The following ABCC4 variants were observed in gnomAD, a reference collection of about 807,000 sequenced individuals.
ABCC4 encodes the protein ATP-binding cassette sub-family C member 4.
A neutral mutation model predicts 168.5 loss-of-function variants in ABCC4; 102 were observed. That is an observed-to-expected ratio of 0.61 (90% CI 0.52 to 0.71). The LOEUF is 0.71. Ranked by LOEUF, ABCC4 falls within the 30% of genes least tolerant of loss-of-function variation. The probability of loss-of-function intolerance (pLI) is 0.00; values close to 1 mark genes in which losing one functional copy is unlikely to be tolerated. For synonymous variants in ABCC4, 617 were observed against 590.7 expected (o/e 1.04, Z -0.65); for missense variants, 1,402 against 1,605.8 (o/e 0.87, Z 2.17).
In ABCC4 at chr13:95,073,275, G is replaced by C; in HGVS notation, c.2947C>G (p.Leu983Val). Residue 983 changes from leucine (L) to valine (V), a missense_variant, in exon 24 of 31, where the codon CTG (leucine) becomes GTG (valine). Coordinates refer to ENST00000645237, the MANE Select transcript of ABCC4 (RefSeq NM_005845.5). ...TLDAGQVGLA[L>V]SYALTLMGMF... ...CCCATGAGCGTGAGGGCATAGGACA[G>C]TGCCAAACCAACCTGCCCGGCATCC... 6.2e-7 allele frequency: 1 copy of C among 1,613,658 alleles called. No homozygotes were observed. The highest frequency in any genetic ancestry group is 1.1e-5 in the South Asian group (1 of 90,966).
At chr13:95,100,405 C>T (rs531079342) in intron 20 of ABCC4, among the ~76,000 whole-genome samples, 1 of 152,296 alleles carries the variant, frequency 6.6e-6, no homozygotes, top group Non-Finnish European at 1.5e-5. Flanking sequence ...TGTCACCACA[C>T]TAATGGTGAC....
chr13:95,047,605 G>A (rs990682513), intron 27 of ABCC4, among the ~76,000 whole-genome samples: 2 of 146,266 alleles, frequency 1.4e-5, no homozygotes, highest in Admixed American at 7.1e-5. Context: ...TCAGCCTCCC[G>A]AGTAGCTGGG....
At chr13:95,274,534 C>A (rs1377686942) in intron 1 of ABCC4, among the ~76,000 whole-genome samples, 2 of 152,178 alleles carry the variant, frequency 1.3e-5, no homozygotes, top group Non-Finnish European at 2.9e-5. Context: ...CTAGCCAATT[C>A]TAAACTGTTC....
Position 95,178,036 on chromosome 13 carries a change from G to C in ABCC4, c.1601C>G (p.Thr534Arg), listed in dbSNP as rs750807873. Reference protein sequence around the residue: ...DLTVIGDRGTTLSGGQKARVN... With the variant: ...DLTVIGDRGTRLSGGQKARVN... Reference sequence around the variant, plus strand: ...CCGTGCTTTCTGCCCTCCACTCAGCGTGGTTCCCCGATCTCCTATCACAGT... The same window carrying C: ...CCGTGCTTTCTGCCCTCCACTCAGCCTGGTTCCCCGATCTCCTATCACAGT... Residue 534 changes from threonine to arginine, a missense_variant, in exon 12 of 31, where the codon ACG becomes AGG. Around this residue, in one of 3 missense-constraint regions of ABCC4, gnomAD observed 1,007 missense variants for 1,127.3 expected, o/e 0.89. Coordinates refer to ENST00000645237, the MANE Select transcript of ABCC4 (RefSeq NM_005845.5). The C allele has an allele frequency of 6.2e-7, 1 of 1,614,162 alleles. No homozygotes were observed. Among genetic ancestry groups the C allele is most frequent in the Non-Finnish European group, 8.5e-7 (1 of 1,180,028 alleles).
chr13:95,050,007 A>G (rs1333728073), intron 27 of ABCC4, among the ~76,000 whole-genome samples: 1 of 152,172 alleles, frequency 6.6e-6, no homozygotes, highest in East Asian at 1.9e-4. Flanking sequence ...CAGGTTTCCT[A>G]CTAAAGAGCA....
At chr13:95,043,845 T>C (rs2032464763) in intron 28 of ABCC4, 58 bp from the exon 29 acceptor site, 1 of 1,217,484 alleles carries the variant, frequency 8.2e-7, no homozygotes, top group African/African-American at 1.5e-5. Context: ...GACTTAAGAC[T>C]TAAAAAGCTC....
chr13:95,110,349 C>T (rs1292288768), intron 20 of ABCC4, among the ~76,000 whole-genome samples: 3 of 148,564 alleles, frequency 2.0e-5, no homozygotes, highest in Non-Finnish European at 3.0e-5. Flanking sequence ...AAAAGAATTA[C>T]AAATTATTTT....
chr13:95,114,465 A>G (rs1352287683), intron 20 of ABCC4, among the ~76,000 whole-genome samples: 2 of 152,188 alleles, frequency 1.3e-5, no homozygotes, highest in African/African-American at 4.8e-5. Context: ...ACGTGTACAG[A>G]CAATAATCTG....
intron 1 of ABCC4, among the ~76,000 whole-genome samples, chr13:95,257,126 T>C (rs984056213): frequency 3.3e-5 from 5 of 152,252 alleles, no homozygotes; most frequent in African/African-American, 1.2e-4. Context: ...GCCTTACCAG[T>C]AACATAAAGT....
chr13:95,194,843 CA>C lies in ABCC4; in HGVS notation c.1255del (p.Trp419GlyfsTer23). On this transcript the variant is annotated frameshift_variant, in exon 9 of 31. Transcript: ENST00000645237. LOFTEE classifies it high-confidence loss of function. ...GCATTAAGGATATGTTACCTTATCC[CA>C]AAAAGCAGTAAAATCCTGCACATGC... ...MVHVQDFTAFWDKASETPTLQ... is the reference protein window; with the variant it reads ...MVHVQDFTAFXDKASETPTLQ... 1 of 1,613,620 alleles carries C rather than the reference CA, an allele frequency of 6.2e-7. No individual in the cohort carries two copies.
chr13:95,133,942 A>T (rs1052643370), intron 19 of ABCC4, among the ~76,000 whole-genome samples: 6 of 152,242 alleles, frequency 3.9e-5, no homozygotes, highest in Non-Finnish European at 8.8e-5. Flanking sequence ...TTCCTGCCCA[A>T]GCCAAACACG....
intron 25 of ABCC4, 117 bp from the exon 26 acceptor site, chr13:95,062,976 G>A: frequency 8.3e-7 from 1 of 1,209,506 alleles, no homozygotes; most frequent in South Asian, 1.6e-5. Flanking sequence ...TCTATATTGA[G>A]TGTAGTCTAA....
intron 8 of ABCC4, among the ~76,000 whole-genome samples, chr13:95,204,003 A>G (rs548918191): frequency 1.3e-5 from 2 of 152,282 alleles, no homozygotes; most frequent in African/African-American, 4.8e-5. Flanking sequence ...GTGTCCATCA[A>G]TGCTGAGCTG....
intron 19 of ABCC4, among the ~76,000 whole-genome samples, chr13:95,138,078 C>CTAG (rs2036196836): frequency 6.6e-6 from 1 of 152,134 alleles, no homozygotes; most frequent in Non-Finnish European, 1.5e-5. Context: ...CCTTAGAGTA[C>CTAG]TAATGAAACT....
At chr13:95,267,872 C>T (rs367554060) in intron 1 of ABCC4, among the ~76,000 whole-genome samples, 2 of 152,114 alleles carry the variant, frequency 1.3e-5, no homozygotes, top group African/African-American at 4.8e-5. Context: ...ACCTCCAGGG[C>T]AGGGGGTACT....
chr13:95,253,708 C>T (rs528001009), intron 1 of ABCC4, among the ~76,000 whole-genome samples: 5 of 151,872 alleles, frequency 3.3e-5, no homozygotes, highest in African/African-American at 1.2e-4. Flanking sequence ...CTGCACACTG[C>T]ACTCCAGCCT....
intron 1 of ABCC4, among the ~76,000 whole-genome samples, chr13:95,256,333 C>A (rs60769464): frequency 0.012 from 1,758 of 152,312 alleles, 30 homozygotes; most frequent in African/African-American, 0.039. Flanking sequence ...AGTGAAGGAT[C>A]TGACGACTAG....
At chr13:95,233,374 T>C (rs2138754027) in intron 4 of ABCC4, among the ~76,000 whole-genome samples, 1 of 150,484 alleles carries the variant, frequency 6.6e-6, no homozygotes, top group East Asian at 1.9e-4. Context: ...TGGAGACCAT[T>C]ATCCTAAGCG....
intron 1 of ABCC4, among the ~76,000 whole-genome samples, chr13:95,293,290 G>A (rs1006693684): frequency 1.3e-5 from 2 of 151,508 alleles, no homozygotes; most frequent in African/African-American, 4.8e-5. Context: ...CCCGGGAGGC[G>A]GAGGTTGTAG....
Sources: gnomAD v4.1 joint callset for allele counts (sites outside exome capture counted in the v4.1 genomes callset) on GRCh38, gnomAD v4.1.1 for gene constraint, gnomAD v4.1.1 regional missense constraint, MANE v1.5 for transcripts, NCBI Gene and HGNC (gene_info 2026-07-23, HGNC 2026-07-21) for gene names.